PCDHA7: variants seen among roughly 807,000 people sequenced by gnomAD.
PCDHA7 encodes protocadherin alpha 7.
In PCDHA7, 37 loss-of-function variants were observed where a neutral mutation model predicts 57.2. The observed-to-expected ratio is 0.65, with a 90% CI of 0.50 to 0.85. The LOEUF (loss-of-function observed/expected upper bound fraction) is 0.85, where lower values mean the gene tolerates loss of function less well. PCDHA7 is among the 40% of genes least tolerant of loss of function. The pLI, the probability that PCDHA7 is intolerant of heterozygous loss-of-function variation, is 0.00. For missense variants in PCDHA7, 1,188 were observed against 1,241.8 expected (o/e 0.96, Z 0.65); for synonymous variants, 553 against 558.8 (o/e 0.99, Z 0.15).
At chr5:141,007,299 T>C (rs550659664) in intron 3 of PCDHA7, among the ~76,000 whole-genome samples, 9 of 151,686 alleles carry the variant, frequency 5.9e-5, no homozygotes, top group African/African-American at 2.2e-4. Context: ...GCCTGTAATC[T>C]TAGCATTTTG....
intron 1 of PCDHA7, among the ~76,000 whole-genome samples, chr5:140,921,337 C>T (rs1339756681): frequency 6.6e-6 from 1 of 152,082 alleles, no homozygotes; most frequent in Non-Finnish European, 1.5e-5. Flanking sequence ...GGTCCAATCA[C>T]ATAATATATT....
Position 140,835,706 on chromosome 5 carries a change from G to A in PCDHA7, c.1323G>A (p.Val441=). 1 of 1,613,896 alleles carries A rather than the reference G, an allele frequency of 6.2e-7. No individual in the cohort carries two copies. Among genetic ancestry groups the A allele is most frequent in the Non-Finnish European group, 8.5e-7 (1 of 1,179,886 alleles). Residue 441 remains valine, a synonymous_variant, in exon 1 of 4, where the codon GTG becomes GTA. Transcript: ENST00000525929. ...CTTCTCTGTGGGCCACTGCTAGCGT[G>A]TCCGTGGAGGTGGCCGACGTGAACG... ...GSPSLWATAS[V]SVEVADVNDN...
intron 1 of PCDHA7, chr5:140,881,460 G>T: frequency 1.6e-6 from 1 of 637,280 alleles, no homozygotes; most frequent in Non-Finnish European, 2.0e-6. Flanking sequence ...AAACCTTAGA[G>T]CATTGTTGTG....
chr5:140,905,163 G>A (rs782288723), intron 1 of PCDHA7, among the ~76,000 whole-genome samples: 30 of 152,274 alleles, frequency 2.0e-4, no homozygotes, highest in African/African-American at 7.0e-4. Flanking sequence ...AATTTTCATG[G>A]TTTCAGGTTT....
chr5:140,854,042 G>A lies in PCDHA7; in HGVS notation c.2355+17304G>A, dbSNP rs1005442587. 1.8e-5 allele frequency: 5 copies of A among 285,684 alleles called. 1 individual carries two copies. The highest frequency in any genetic ancestry group is 2.7e-5 in the Non-Finnish European group (5 of 185,908). The allele number at this position is 285,684 out of a possible 1,614,324, so 17.7% of individuals were successfully genotyped here. A position where few individuals can be genotyped will look rare whatever the true frequency, so the allele number is the denominator to read the frequency against. On this transcript the variant is annotated intron_variant, in intron 1 of 3. Coordinates refer to ENST00000525929, the MANE Select transcript of PCDHA7 (RefSeq NM_018910.3). ...CCGGGCATGGTGGCACACATCTCTA[G>A]TCCCAATTACTCAGGAGGCTGAGGC...
chr5:140,969,587 T>G, intron 1 of PCDHA7: 1 of 850,882 alleles, frequency 1.2e-6, no homozygotes, highest in Non-Finnish European at 1.8e-6. Context: ...AGGATTAGTC[T>G]TAATATTTAA....
At chr5:140,837,516 C>CGT (rs149634951) in intron 1 of PCDHA7, among the ~76,000 whole-genome samples, 1 of 151,568 alleles carries the variant, frequency 6.6e-6, no homozygotes. Flanking sequence ...AAGCAGTTTA[C>CGT]TTTTTTTGTA....
At chr5:140,842,387 T>C (rs2150335066) in intron 1 of PCDHA7, 1 of 1,611,016 alleles carries the variant, frequency 6.2e-7, no homozygotes, top group Admixed American at 1.7e-5. Flanking sequence ...GACTTCCTTA[T>C]CCTTGCCTGT....
intron 1 of PCDHA7, chr5:140,843,511 C>T: frequency 6.3e-7 from 1 of 1,595,668 alleles, no homozygotes; most frequent in Non-Finnish European, 8.6e-7. Context: ...CCACTGAGGG[C>T]GGGTGCCGGG....
chr5:140,861,496 T>C (rs2153222110), intron 1 of PCDHA7: 1 of 486,240 alleles, frequency 2.1e-6, no homozygotes, highest in Non-Finnish European at 4.2e-6. Context: ...AGTTCTCTGA[T>C]AGACCTCGAG....
At chr5:140,850,020 T>C (rs2150463702) in intron 1 of PCDHA7, 2 of 1,596,646 alleles carry the variant, frequency 1.3e-6, no homozygotes, top group African/African-American at 1.3e-5. Flanking sequence ...GAGCTACGTG[T>C]CAGTGCACGC....
chr5:140,994,428 C>T lies in PCDHA7; in HGVS notation c.2503+11865C>T, dbSNP rs183026150. Among the ~76,000 whole-genome samples, 15 of 152,198 alleles carry T rather than the reference C, an allele frequency of 9.9e-5. No individual in the cohort carries two copies. The South Asian group carries it at 1.2e-3, about 13-fold the overall frequency. On this transcript the variant is annotated intron_variant, in intron 3 of 3. Transcript: ENST00000525929. ...TTTAATACTGGATATTGAGGCCGGGCGCAGTGGCTCACACCTGTGATCCCA... is the reference window on the plus strand; with the variant it reads ...TTTAATACTGGATATTGAGGCCGGGTGCAGTGGCTCACACCTGTGATCCCA...
In PCDHA7 at chr5:140,857,896, T is replaced by A; in HGVS notation, c.2355+21158T>A. 4 of 1,597,704 alleles carry A rather than the reference T, an allele frequency of 2.5e-6. 1 individual carries two copies. The highest frequency in any genetic ancestry group is 3.4e-6 in the Non-Finnish European group (4 of 1,167,490). On this transcript the variant is annotated intron_variant, in intron 1 of 3. Coordinates refer to ENST00000525929, the MANE Select transcript of PCDHA7 (RefSeq NM_018910.3). ...ATGAATTGCAGTCGGCGGCGGTTGGTGCACGCATCCCGTTTCGCGTGGGGC... is the reference window on the plus strand; with the variant it reads ...ATGAATTGCAGTCGGCGGCGGTTGGAGCACGCATCCCGTTTCGCGTGGGGC...
At position 140,883,599 on chromosome 5, in the gene PCDHA7, G is replaced by A. The variant is rs1562791244; in HGVS notation, c.2355+46861G>A. ...TGGGCCACGGCCAGCGTGTCGGTGG[G>A]GGTGGCCGACGTGAACGACAACGCG... On this transcript the variant is annotated intron_variant, in intron 1 of 3. Coordinates refer to ENST00000525929, the MANE Select transcript of PCDHA7 (RefSeq NM_018910.3). 4 of 1,614,016 alleles carry A rather than the reference G, an allele frequency of 2.5e-6. No homozygotes were observed. Among genetic ancestry groups the A allele is most frequent in the Non-Finnish European group, 3.4e-6 (4 of 1,179,942 alleles).
Position 140,835,626 on chromosome 5 carries a change from C to A in PCDHA7, c.1243C>A (p.Arg415Ser), listed in dbSNP as rs782043218. The A allele has an allele frequency of 1.2e-6, 2 of 1,613,880 alleles. No individual in the cohort carries two copies. ...ATTGGTGCTGGACAGCGCTCTGGAC[C>A]GCGAGAGTGTGTCCGCCTATGAGCT... Reference protein sequence around the residue: ...YSLVLDSALDRESVSAYELVV... With the variant: ...YSLVLDSALDSESVSAYELVV... Residue 415 changes from arginine to serine, a missense_variant, in exon 1 of 4, where the codon CGC (arginine) becomes AGC (serine). This residue lies in a region of PCDHA7 where 892 missense variants were observed against 788.5 expected (regional missense o/e 1.13). Transcript: ENST00000525929.
chr5:140,838,387 G>A (rs1554137061), intron 1 of PCDHA7, among the ~76,000 whole-genome samples: 1 of 150,594 alleles, frequency 6.6e-6, no homozygotes, highest in African/African-American at 2.5e-5. Context: ...GCCTCCCAAT[G>A]TGCTGGGATT....
chr5:140,869,508 C>G, intron 1 of PCDHA7: 1 of 1,614,196 alleles, frequency 6.2e-7, no homozygotes. Context: ...TGTTCTCGCT[C>G]AGAGAACAAA....
At chr5:140,949,991 A>T (rs1585353048) in intron 1 of PCDHA7, among the ~76,000 whole-genome samples, 1 of 151,822 alleles carries the variant, frequency 6.6e-6, no homozygotes, top group East Asian at 1.9e-4. Flanking sequence ...AACTTTTCTC[A>T]GTCCACTTAA....
intron 1 of PCDHA7, chr5:140,861,198 G>A: frequency 6.1e-6 from 1 of 162,948 alleles, no homozygotes; most frequent in Non-Finnish European, 1.3e-5. Context: ...ATGAAATATT[G>A]TTTTACTAAC....
Sources: allele counts gnomAD v4.1 joint callset (sites outside exome capture counted in the v4.1 genomes callset), GRCh38; gene constraint gnomAD v4.1.1; regional missense constraint gnomAD v4.1.1; transcripts MANE v1.5; gene names NCBI Gene and HGNC (gene_info 2026-07-23, HGNC 2026-07-21).